ENPP6: variants seen among roughly 807,000 people sequenced by gnomAD.
The protein encoded by ENPP6 is ectonucleotide pyrophosphatase/phosphodiesterase 6.
A neutral mutation model predicts 42.0 loss-of-function variants in ENPP6; 32 were observed. The observed-to-expected ratio is 0.76, with a 90% CI of 0.58 to 1.02. ENPP6 has a LOEUF of 1.02. ENPP6 is among the 50% of genes least tolerant of loss of function. The pLI is 0.00. For synonymous variants in ENPP6, 213 were observed against 216.0 expected, an observed-to-expected ratio of 0.99 and a Z score of 0.12; for missense variants, 552 against 566.8, an observed-to-expected ratio of 0.97 and a Z score of 0.27.
chr4:184,165,205 G>C (rs1321072179), intron 1 of ENPP6, among the ~76,000 whole-genome samples: 1 of 152,180 alleles, frequency 6.6e-6, no homozygotes, highest in Non-Finnish European at 1.5e-5. Flanking sequence ...AATTATAATA[G>C]TTCCCAGTCC....
intron 1 of ENPP6, among the ~76,000 whole-genome samples, chr4:184,185,479 G>A (rs1262480343): frequency 2.0e-5 from 3 of 152,220 alleles, no homozygotes; most frequent in Admixed American, 6.5e-5. Context: ...TCTGTGTGGG[G>A]TAGCAGGGAG....
At chr4:184,126,359 T>C (rs1000455769) in intron 2 of ENPP6, among the ~76,000 whole-genome samples, 2 of 152,200 alleles carry the variant, frequency 1.3e-5, no homozygotes, top group Non-Finnish European at 2.9e-5. Flanking sequence ...ACATGTAAAA[T>C]TCTACAGTAC....
At chr4:184,108,367 A>G (rs1560980122) in intron 6 of ENPP6, among the ~76,000 whole-genome samples, 1 of 152,218 alleles carries the variant, frequency 6.6e-6, no homozygotes, top group Admixed American at 6.5e-5. Flanking sequence ...TATAGGTTTC[A>G]GGGCAAAACT....
chr4:184,172,841 A>G (rs1026327735), intron 1 of ENPP6, among the ~76,000 whole-genome samples: 11 of 152,146 alleles, frequency 7.2e-5, no homozygotes, highest in African/African-American at 2.7e-4. Flanking sequence ...TACCAGCGAG[A>G]GGAAATGTAC....
At chr4:184,165,239 A>G (rs1404844017) in intron 1 of ENPP6, among the ~76,000 whole-genome samples, 1 of 152,220 alleles carries the variant, frequency 6.6e-6, no homozygotes, top group African/African-American at 2.4e-5. Flanking sequence ...TTGTATCTGG[A>G]ACTAAATGCT....
At chr4:184,117,134 C>CTA in intron 4 of ENPP6, 99 bp from the exon 5 acceptor site, 1 of 1,385,062 alleles carries the variant, frequency 7.2e-7, no homozygotes, top group Non-Finnish European at 1.0e-6. Context: ...AGGCTATCTC[C>CTA]TCAGTTCTGT....
intron 6 of ENPP6, among the ~76,000 whole-genome samples, chr4:184,108,460 G>T (rs1736140764): frequency 6.6e-6 from 1 of 152,310 alleles, no homozygotes; most frequent in African/African-American, 2.4e-5. Context: ...CAGAAACGAG[G>T]ATATAGAATG....
chr4:184,170,888 C>A (rs1737450292), intron 1 of ENPP6, among the ~76,000 whole-genome samples: 1 of 152,246 alleles, frequency 6.6e-6, no homozygotes, highest in South Asian at 2.1e-4. Flanking sequence ...CACCGATAAT[C>A]ATCACCTACA....
At chr4:184,140,132 G>T (rs890365121) in intron 2 of ENPP6, among the ~76,000 whole-genome samples, 10 of 151,638 alleles carry the variant, frequency 6.6e-5, no homozygotes, top group Non-Finnish European at 8.8e-5. Flanking sequence ...TTTTTCATGT[G>T]TTTTTTGGCT....
chr4:184,107,137 G>A (rs747110119), intron 6 of ENPP6, among the ~76,000 whole-genome samples: 32 of 152,134 alleles, frequency 2.1e-4, no homozygotes, highest in African/African-American at 4.3e-4. Flanking sequence ...CAACCTGGGC[G>A]GGACTTCCGT....
At position 184,104,422 on chromosome 4, in the gene ENPP6, T is replaced by C. The variant is rs529690909; in HGVS notation, c.994-7054A>G. Among the ~76,000 whole-genome samples the C allele has an allele frequency of 1.2e-4, 19 of 152,364 alleles. No individual in the cohort carries two copies. In the South Asian group the frequency reaches 1.4e-3, roughly 12 times the overall value. On this transcript the variant is annotated intron_variant, in intron 6 of 7. Coordinates refer to ENST00000296741, the MANE Select transcript of ENPP6 (RefSeq NM_153343.4). ...AAGTCAGGCAGGGGTCCAGACCATG[T>C]TCTACGATCTTTCACCTAGCTCTGG...
intron 1 of ENPP6, among the ~76,000 whole-genome samples, chr4:184,199,220 G>A (rs1176056067): frequency 2.0e-5 from 3 of 152,180 alleles, no homozygotes; most frequent in Non-Finnish European, 2.9e-5. Flanking sequence ...ATGCCTTGAC[G>A]TGCCCCAGCC....
At chr4:184,185,235 C>T (rs1431371800) in intron 1 of ENPP6, among the ~76,000 whole-genome samples, 1 of 152,170 alleles carries the variant, frequency 6.6e-6, no homozygotes, top group African/African-American at 2.4e-5. Flanking sequence ...TCCTGGTTTA[C>T]ACCGGTTGCT....
At chr4:184,208,960 C>T (rs1418382768) in intron 1 of ENPP6, among the ~76,000 whole-genome samples, 1 of 131,112 alleles carries the variant, frequency 7.6e-6, no homozygotes, top group Non-Finnish European at 1.6e-5. Context: ...TGGGAGGCAC[C>T]CCCCAGCAGG....
intron 2 of ENPP6, among the ~76,000 whole-genome samples, chr4:184,152,146 G>A (rs953140255): frequency 1.3e-5 from 2 of 152,144 alleles, no homozygotes; most frequent in Non-Finnish European, 2.9e-5. Flanking sequence ...TGCGGGTGAG[G>A]CCACTGCTCT....
chr4:184,175,763 T>C (rs1737550511), intron 1 of ENPP6, among the ~76,000 whole-genome samples: 1 of 152,086 alleles, frequency 6.6e-6, no homozygotes, highest in Non-Finnish European at 1.5e-5. Flanking sequence ...GAAACAGCAG[T>C]GTGGCATATG....
At chr4:184,140,406 A>G (rs1392236712) in intron 2 of ENPP6, among the ~76,000 whole-genome samples, 2 of 152,068 alleles carry the variant, frequency 1.3e-5, no homozygotes, top group Non-Finnish European at 2.9e-5. Context: ...GTTCATATGG[A>G]ACCAAAAAAG....
intron 1 of ENPP6, among the ~76,000 whole-genome samples, chr4:184,159,887 G>A (rs996028638): frequency 3.3e-5 from 5 of 152,190 alleles, no homozygotes; most frequent in African/African-American, 1.2e-4. Context: ...CCACTTATAA[G>A]TGAGAACATG....
In ENPP6 at chr4:184,153,557, G is replaced by A. The variant is rs780478129; in HGVS notation, c.418C>T (p.Pro140Ser). Residue 140 changes from proline (P) to serine (S), a missense_variant, in exon 2 of 8, where the codon CCA becomes TCA. Transcript: ENST00000296741. ...GAATGGATGTTCACACACTCACCTG[G>A]CCAGTAGTACATGTAGACCTTCCTT... ...AKRKVYMYYW[P>S]GCEVEILGVR... 6.2e-7 allele frequency: 1 copy of A among 1,612,242 alleles called. No homozygotes were observed. Among genetic ancestry groups the A allele is most frequent in the Admixed American group, 1.7e-5 (1 of 59,712 alleles).
Sources: allele counts gnomAD v4.1 joint callset (sites outside exome capture counted in the v4.1 genomes callset), GRCh38; gene constraint gnomAD v4.1.1; transcripts MANE v1.5; gene names NCBI Gene and HGNC (gene_info 2026-07-23, HGNC 2026-07-21).